The following BRSK2 variants were observed in gnomAD, a reference collection of about 807,000 sequenced individuals.
The protein encoded by BRSK2 is BR serine/threonine kinase 2.
Under a neutral mutation model 83.3 loss-of-function variants are expected in BRSK2, and 19 were observed. The ratio of observed to expected loss-of-function variants is 0.23; its 90% CI spans 0.16 to 0.33. The LOEUF (loss-of-function observed/expected upper bound fraction) is 0.33. BRSK2 is among the 10% of genes least tolerant of loss of function. The pLI is 1.00. For missense variants in BRSK2, 798 were observed against 1,042.3 expected, an observed-to-expected ratio of 0.77 and a Z score of 3.23; for synonymous variants, 519 against 435.4, an observed-to-expected ratio of 1.19 and a Z score of -2.39.
At chr11:1,453,134 C>T (rs751468189) in intron 15 of BRSK2, among the ~76,000 whole-genome samples, 3 of 152,252 alleles carry the variant, frequency 2.0e-5, no homozygotes, top group Non-Finnish European at 2.9e-5. Flanking sequence ...CCGCCAGACT[C>T]AACAGGCGAC....
chr11:1,441,013 A>T, intron 4 of BRSK2, 85 bp downstream of exon 4: 1 of 1,198,146 alleles, frequency 8.3e-7, no homozygotes, highest in Non-Finnish European at 1.2e-6. Flanking sequence ...TGCCCCAAGG[A>T]CTACACCCCC....
At chr11:1,396,170 C>CT (rs1276263750) in intron 1 of BRSK2, among the ~76,000 whole-genome samples, 1 of 151,516 alleles carries the variant, frequency 6.6e-6, no homozygotes, top group Non-Finnish European at 1.5e-5. Flanking sequence ...ACCCCTGCGT[C>CT]CCCCGCTCCT....
chr11:1,416,594 A>G (rs1454374632), intron 1 of BRSK2, among the ~76,000 whole-genome samples: 1 of 152,128 alleles, frequency 6.6e-6, no homozygotes. Context: ...TGCTGAATGT[A>G]GAATTCTGGG....
intron 18 of BRSK2, chr11:1,457,143 C>T (rs1846681231): frequency 8.6e-7 from 1 of 1,160,428 alleles, no homozygotes. Flanking sequence ...CCATGCCCAC[C>T]CACAGGTCTC....
chr11:1,440,964 G>A, intron 4 of BRSK2, 36 bp downstream of exon 4: 1 of 1,583,106 alleles, frequency 6.3e-7, no homozygotes. Flanking sequence ...CACTCCCCAG[G>A]GACCCCCACA....
chr11:1,393,579 C>G (rs1450894478), intron 1 of BRSK2, among the ~76,000 whole-genome samples: 3 of 152,230 alleles, frequency 2.0e-5, no homozygotes, highest in African/African-American at 4.8e-5. Flanking sequence ...GGGACCTAGG[C>G]TGCCAGGGAC....
chr11:1,450,018 CT>C (rs1411036121), intron 13 of BRSK2, among the ~76,000 whole-genome samples, 182 bp downstream of exon 13: 4 of 152,160 alleles, frequency 2.6e-5, no homozygotes, highest in African/African-American at 4.8e-5. Flanking sequence ...ACTGCACGCT[CT>C]TTTGTTTTGT....
intron 8 of BRSK2, 130 bp from the exon 9 acceptor site, chr11:1,444,841 C>T: frequency 1.2e-6 from 1 of 805,020 alleles, no homozygotes; most frequent in East Asian, 2.5e-5. Context: ...CCACCTTCCC[C>T]CCACTCACTT....
intron 1 of BRSK2, among the ~76,000 whole-genome samples, chr11:1,420,675 C>T (rs886219764): frequency 1.3e-5 from 2 of 152,226 alleles, no homozygotes; most frequent in South Asian, 4.1e-4. Context: ...CAGCCTCTTC[C>T]TCCACTGCCT....
intron 19 of BRSK2, chr11:1,459,441 G>A: frequency 1.6e-6 from 1 of 617,004 alleles, no homozygotes; most frequent in South Asian, 1.8e-5. Flanking sequence ...CCCAGGCGGG[G>A]TTCCTGGCCA....
chr11:1,395,474 A>G (rs1401080417), intron 1 of BRSK2, among the ~76,000 whole-genome samples: 1 of 152,050 alleles, frequency 6.6e-6, no homozygotes, highest in Non-Finnish European at 1.5e-5. Flanking sequence ...TTTCCAGCTG[A>G]GAGCTGGCCT....
At chr11:1,422,736 G>A (rs962574977) in intron 1 of BRSK2, among the ~76,000 whole-genome samples, 2 of 152,186 alleles carry the variant, frequency 1.3e-5, no homozygotes, top group Non-Finnish European at 2.9e-5. Flanking sequence ...AGGCTCGGCT[G>A]CCTGTGGGGA....
At position 1,440,723 on chromosome 11, in the gene BRSK2, C is replaced by A. The variant is rs1282060012; in HGVS notation, c.273-65C>A. 13 of 1,518,986 alleles carry A rather than the reference C, an allele frequency of 8.6e-6. No individual in the cohort carries two copies. In the African/African-American group the frequency reaches 1.1e-4, roughly 13 times the overall value. 94.1% of individuals were successfully genotyped at this position (1,518,986 alleles called of 1,614,324 possible). On this transcript the variant is annotated intron_variant, in intron 3 of 19. Transcript: ENST00000528841. ...TGGGCCAGGAGGCGGCTGTGGGAGG[C>A]CCTGGGATGAGGAGGGGCGGCGGGC...
At chr11:1,448,908 C>T (rs1036857084) in intron 12 of BRSK2, among the ~76,000 whole-genome samples, 10 of 152,230 alleles carry the variant, frequency 6.6e-5, no homozygotes, top group Admixed American at 4.6e-4. Context: ...CTAGCGAGGC[C>T]CCTCGTGGCC....
intron 1 of BRSK2, among the ~76,000 whole-genome samples, chr11:1,405,562 A>G (rs1590334503): frequency 6.6e-6 from 1 of 151,894 alleles, no homozygotes; most frequent in Admixed American, 6.5e-5. Flanking sequence ...CTAGGAAAAC[A>G]TGCCCTGTCC....
At chr11:1,448,757 G>A (rs1283022719) in intron 12 of BRSK2, among the ~76,000 whole-genome samples, 1 of 152,202 alleles carries the variant, frequency 6.6e-6, no homozygotes, top group East Asian at 1.9e-4. Context: ...TGGGGTCCCC[G>A]TCGCCTCCCT....
intron 3 of BRSK2, among the ~76,000 whole-genome samples, chr11:1,439,641 C>T (rs1850879595): frequency 1.3e-5 from 2 of 152,030 alleles, no homozygotes; most frequent in Admixed American, 1.3e-4. Context: ...GAGGTCTGGC[C>T]CTGGGTGTTG....
chr11:1,457,374 G>A lies in BRSK2; in HGVS notation c.1939+687G>A, dbSNP rs538199657. On this transcript the variant is annotated intron_variant, in intron 18 of 19. Transcript: ENST00000528841. ...GGGCAGAGGGGCTTGAGCCCAGCCAGAGCGGGGGCTTCACCACAGCCTGAT... is the reference window on the plus strand; with the variant it reads ...GGGCAGAGGGGCTTGAGCCCAGCCAAAGCGGGGGCTTCACCACAGCCTGAT... 4.6e-5 allele frequency among the ~76,000 whole-genome samples: 7 copies of A among 152,326 alleles called. No individual in the cohort carries two copies. The East Asian group carries it at 1.2e-3, about 25-fold the overall frequency.
intron 18 of BRSK2, among the ~76,000 whole-genome samples, chr11:1,458,368 G>C (rs1205983799): frequency 6.6e-6 from 1 of 152,086 alleles, no homozygotes; most frequent in Admixed American, 6.5e-5. Flanking sequence ...AGGCTCTTGG[G>C]GGTCTATTCT....
Sources: allele counts gnomAD v4.1 joint callset (sites outside exome capture counted in the v4.1 genomes callset), GRCh38; gene constraint gnomAD v4.1.1; transcripts MANE v1.5; gene names NCBI Gene and HGNC (gene_info 2026-07-23, HGNC 2026-07-21).